CHLSN: variants seen among roughly 807,000 people sequenced by gnomAD.
CHLSN encodes the protein cholesin, also known as protein cholesin.
At chr7:1,017,359 C>T in the CHLSN span, among the ~76,000 whole-genome samples, 1 of 152,054 alleles carries the variant, frequency 6.6e-6, no homozygotes, top group Non-Finnish European at 1.5e-5. Flanking sequence ...AAGGACACCA[C>T]CAGCCTGGCC....
the CHLSN span, among the ~76,000 whole-genome samples, chr7:992,765 GAC>G: frequency 6.6e-6 from 1 of 152,382 alleles, no homozygotes; most frequent in Admixed American, 6.5e-5. Context: ...AAGGAGGTAA[GAC>G]ACTGGAGGGC....
chr7:1,017,586 C>T, the CHLSN span, among the ~76,000 whole-genome samples: 2 of 152,190 alleles, frequency 1.3e-5, no homozygotes, highest in Non-Finnish European at 2.9e-5. Flanking sequence ...TGGAGGACAG[C>T]GAGACAGCTA....
At chr7:999,219 T>G in the CHLSN span, among the ~76,000 whole-genome samples, 1 of 152,240 alleles carries the variant, frequency 6.6e-6, no homozygotes, top group Non-Finnish European at 1.5e-5. Context: ...ACGTAAACTT[T>G]GGTTAAAACA....
chr7:1,044,101 T>C, the CHLSN span, among the ~76,000 whole-genome samples: 158 of 152,266 alleles, frequency 1.0e-3, no homozygotes, highest in African/African-American at 3.4e-3. Context: ...CAGGAAGTAA[T>C]TGGTGACTTT....
At chr7:1,062,942 C>A in the CHLSN span, among the ~76,000 whole-genome samples, 1 of 152,206 alleles carries the variant, frequency 6.6e-6, no homozygotes, top group Non-Finnish European at 1.5e-5. Context: ...CTATTCCTAA[C>A]CCCCTAACCA....
the CHLSN span, among the ~76,000 whole-genome samples, chr7:1,066,307 T>TCCTACGGGACC: frequency 6.6e-6 from 1 of 152,134 alleles, no homozygotes; most frequent in Non-Finnish European, 1.5e-5. Context: ...CCGGCGGGGC[T>TCCTACGGGACC]CCTACGGGAC....
chr7:1,103,064 G>A, the CHLSN span, among the ~76,000 whole-genome samples: 194 of 152,354 alleles, frequency 1.3e-3, no homozygotes, highest in East Asian at 5.8e-4. Context: ...CCTCTGCAGC[G>A]TGCGGGCCGG....
the CHLSN span, among the ~76,000 whole-genome samples, chr7:1,107,448 A>G: frequency 2.5e-4 from 38 of 152,318 alleles, no homozygotes; most frequent in Middle Eastern, 3.4e-3. Flanking sequence ...AACCCAGGGA[A>G]GCTGGTAGCT....
the CHLSN span, among the ~76,000 whole-genome samples, chr7:993,215 CG>C: frequency 6.6e-6 from 1 of 152,184 alleles, no homozygotes; most frequent in African/African-American, 2.4e-5. Context: ...GGCAGGGGGA[CG>C]GCAGCTGGAG....
the CHLSN span, chr7:997,666 T>TCC: frequency 3.1e-6 from 5 of 1,609,652 alleles, no homozygotes; most frequent in Non-Finnish European, 4.2e-6. Context: ...CGCTGGGCCC[T>TCC]CCCCGGCAGG....
At chr7:1,068,124 C>T in the CHLSN span, among the ~76,000 whole-genome samples, 1 of 152,188 alleles carries the variant, frequency 6.6e-6, no homozygotes, top group Non-Finnish European at 1.5e-5. Flanking sequence ...CTGCAGTGCC[C>T]ACCTTAGCAG....
the CHLSN span, among the ~76,000 whole-genome samples, chr7:1,090,833 A>C: frequency 6.6e-6 from 1 of 152,350 alleles, no homozygotes; most frequent in South Asian, 2.1e-4. Context: ...TTCCCAAAAC[A>C]ATGACCCCTT....
At chr7:987,359 AG>A in the CHLSN span, 3 of 1,584,598 alleles carry the variant, frequency 1.9e-6, no homozygotes, top group South Asian at 3.4e-5. Context: ...CGGGTGCAGG[AG>A]GAGCTAGACC....
chr7:1,099,628 A>G, the CHLSN span, among the ~76,000 whole-genome samples: 2 of 150,908 alleles, frequency 1.3e-5, no homozygotes, highest in African/African-American at 4.8e-5. Context: ...AGTCAAAATT[A>G]GAGCTGAACT....
the CHLSN span, among the ~76,000 whole-genome samples, chr7:1,005,292 A>G: frequency 5.9e-5 from 9 of 152,226 alleles, no homozygotes; most frequent in Non-Finnish European, 1.3e-4. Context: ...TCCATCTCAA[A>G]ACAAACAAAT....
chr7:1,133,392 C>CA, the CHLSN span, among the ~76,000 whole-genome samples: 6,051 of 90,762 alleles, frequency 0.067, 233 homozygotes, highest in Middle Eastern at 0.11. Context: ...CGATATACTG[C>CA]AAAAAAAAAA....
the CHLSN span, among the ~76,000 whole-genome samples, chr7:1,014,644 G>A: frequency 6.6e-6 from 1 of 152,278 alleles, no homozygotes; most frequent in Non-Finnish European, 1.5e-5. Flanking sequence ...AAACACGCGG[G>A]GCTCCATAAA....
the CHLSN span, among the ~76,000 whole-genome samples, chr7:1,120,053 A>C: frequency 6.6e-6 from 1 of 152,214 alleles, no homozygotes; most frequent in Non-Finnish European, 1.5e-5. Context: ...CATAAAGAAA[A>C]AAACTGACCT....
chr7:1,000,510 C>T, the CHLSN span: 1 of 1,609,656 alleles, frequency 6.2e-7, no homozygotes, highest in Non-Finnish European at 8.5e-7. Flanking sequence ...CCACGTCTGC[C>T]TCGTCTTCTG....
Sources: allele counts gnomAD v4.1 joint callset (sites outside exome capture counted in the v4.1 genomes callset), GRCh38; gene constraint gnomAD v4.1.1; transcripts MANE v1.5; gene names NCBI Gene and HGNC (gene_info 2026-07-23, HGNC 2026-07-21).